KIAA1958: variants seen among roughly 807,000 people sequenced by gnomAD.
KIAA1958 encodes the protein KIAA1958.
A neutral mutation model predicts 47.2 loss-of-function variants in KIAA1958; 14 were observed. That is an observed-to-expected ratio of 0.30 (90% CI 0.20 to 0.46). The LOEUF (loss-of-function observed/expected upper bound fraction) is 0.46, where lower values mean the gene tolerates loss of function less well. Ranked by LOEUF, KIAA1958 falls within the 20% of genes least tolerant of loss-of-function variation. The pLI is 1.00. For synonymous variants in KIAA1958, 354 were observed against 353.3 expected, an observed-to-expected ratio of 1.00 and a Z score of -0.02; for missense variants, 803 against 909.2, an observed-to-expected ratio of 0.88 and a Z score of 1.50.
At chr9:112,528,880 T>C (rs965587119) in intron 1 of KIAA1958, among the ~76,000 whole-genome samples, 3 of 152,230 alleles carry the variant, frequency 2.0e-5, no homozygotes, top group Admixed American at 2.0e-4. Context: ...GGTAAAGATA[T>C]AATCAGTGTT....
intron 1 of KIAA1958, among the ~76,000 whole-genome samples, chr9:112,532,601 A>G (rs1834769607): frequency 6.6e-6 from 1 of 152,198 alleles, no homozygotes; most frequent in Non-Finnish European, 1.5e-5. Flanking sequence ...CAGTAGTGGG[A>G]TTACCACAGC....
intron 1 of KIAA1958, among the ~76,000 whole-genome samples, chr9:112,547,797 T>A (rs1835066016): frequency 6.6e-6 from 1 of 152,044 alleles, no homozygotes; most frequent in African/African-American, 2.4e-5. Context: ...AACTTAACAG[T>A]CTCTGGCACC....
At position 112,541,804 on chromosome 9, in the gene KIAA1958, C is replaced by CA. The variant is rs1199266625; in HGVS notation, c.-24-32243dup. Among the ~76,000 whole-genome samples, 593 of 145,298 alleles carry CA rather than the reference C, an allele frequency of 4.1e-3. 3 individuals are homozygous for CA. The highest frequency in any genetic ancestry group is 0.013 in the African/African-American group (504 of 39,490). ...TTGGTGACAGAGTGAGCCTCCGTCTCAAAAAAAAAAGAATAAAACAACAAA... is the reference window on the plus strand; with the variant it reads ...TTGGTGACAGAGTGAGCCTCCGTCTCAAAAAAAAAAAGAATAAAACAACAAA... On this transcript the variant is annotated intron_variant, in intron 1 of 3. Coordinates refer to ENST00000337530, the MANE Select transcript of KIAA1958 (RefSeq NM_133465.4).
intron 1 of KIAA1958, among the ~76,000 whole-genome samples, chr9:112,535,083 C>A (rs1834829230): frequency 6.6e-6 from 1 of 152,122 alleles, no homozygotes; most frequent in African/African-American, 2.4e-5. Context: ...TCTCTATTAC[C>A]TTACACATTT....
chr9:112,619,571 A>G (rs1479041258), intron 2 of KIAA1958, among the ~76,000 whole-genome samples: 1 of 152,186 alleles, frequency 6.6e-6, no homozygotes, highest in Non-Finnish European at 1.5e-5. Flanking sequence ...GAAAGGGTAG[A>G]AGGAGGGAAT....
chr9:112,520,230 G>A (rs1020721029), intron 1 of KIAA1958, among the ~76,000 whole-genome samples: 7 of 152,192 alleles, frequency 4.6e-5, no homozygotes, highest in South Asian at 2.1e-4. Flanking sequence ...TACTGCTAAC[G>A]AAATCTAATT....
chr9:112,493,855 A>G (rs1307756129), intron 1 of KIAA1958, among the ~76,000 whole-genome samples: 1 of 152,196 alleles, frequency 6.6e-6, no homozygotes, highest in Admixed American at 6.5e-5. Flanking sequence ...ACTCTCTTGC[A>G]GGAGTTGGCA....
rs542980718 is a variant in KIAA1958 at position 112,663,244 on chromosome 9, C to A, written c.*3175C>A. ...GAGCCCTACTTTCTGTCTATCCCCC[C>A]CACCGCCGGCCCCCGGAATCTAAGC... On this transcript the variant is annotated 3_prime_UTR_variant, in exon 4 of 4. Coordinates refer to ENST00000337530, the MANE Select transcript of KIAA1958 (RefSeq NM_133465.4). 97 of 152,662 alleles carry A rather than the reference C, an allele frequency of 6.4e-4. No individual in the cohort carries two copies. The highest frequency in any genetic ancestry group is 1.0e-3 in the Non-Finnish European group (70 of 68,536). 9.5% of individuals were successfully genotyped at this position (152,662 alleles called of 1,614,324 possible).
intron 1 of KIAA1958, among the ~76,000 whole-genome samples, chr9:112,560,398 C>T (rs1835307621): frequency 6.6e-6 from 1 of 151,778 alleles, no homozygotes. Context: ...GAAAGGGTCT[C>T]CAGCTGGTCT....
In KIAA1958 at chr9:112,659,330, C is replaced by T. The variant is rs941828010; in HGVS notation, c.1412C>T (p.Ser471Leu). Reference sequence around the variant, plus strand: ...GTCACCGTCAAGAAGAGCGACGGCTCGGACTTCCTGGCCACCTCGCTCCAT... The same window carrying T: ...GTCACCGTCAAGAAGAGCGACGGCTTGGACTTCCTGGCCACCTCGCTCCAT... The part of the protein sequence containing the change: ...FYVTVKKSDG[S>L]DFLATSLHAI... Residue 471 changes from serine (S) to leucine (L), a missense_variant, in exon 4 of 4, where the codon TCG (serine) becomes TTG (leucine). Ser to Leu is a moderately radical substitution (Grantham distance 145, BLOSUM62 -2). Coordinates refer to ENST00000337530, the MANE Select transcript of KIAA1958 (RefSeq NM_133465.4). 6 of 1,613,898 alleles carry T rather than the reference C, an allele frequency of 3.7e-6. No individual in the cohort carries two copies. The highest frequency in any genetic ancestry group is 2.2e-5 in the East Asian group (1 of 44,868).
intron 1 of KIAA1958, among the ~76,000 whole-genome samples, chr9:112,566,040 A>G (rs577525418): frequency 9.2e-5 from 14 of 152,180 alleles, no homozygotes; most frequent in African/African-American, 3.4e-4. Flanking sequence ...AGTAGTTGGG[A>G]CTACAGGCGC....
Position 112,618,727 on chromosome 9 carries a change from C to T in KIAA1958, c.1172-26923C>T, listed in dbSNP as rs1316956580. 2.6e-6 allele frequency: 4 copies of T among 1,550,568 alleles called. No homozygotes were observed. The South Asian group carries it at 3.6e-5, about 14-fold the overall frequency. Reference sequence around the variant, plus strand: ...TGAAGACCATGTGTGAGAAGGGCAACATCCCTGGCAGGAAAACCAACTTCA... The same window carrying T: ...TGAAGACCATGTGTGAGAAGGGCAATATCCCTGGCAGGAAAACCAACTTCA... On this transcript the variant is annotated intron_variant, in intron 2 of 3. Transcript: ENST00000337530. The surrounding 1 kb of genome is among the most constrained non-coding windows in gnomAD (Gnocchi z 7.1).
At chr9:112,626,823 C>CAAA (rs35640010) in intron 2 of KIAA1958, among the ~76,000 whole-genome samples, 3 of 133,946 alleles carry the variant, frequency 2.2e-5, no homozygotes, top group African/African-American at 2.8e-5. Context: ...GCATTTGTTA[C>CAAA]AAAAAAAAAA....
At chr9:112,600,377 G>A (rs895578601) in intron 2 of KIAA1958, among the ~76,000 whole-genome samples, 1 of 152,148 alleles carries the variant, frequency 6.6e-6, no homozygotes, top group African/African-American at 2.4e-5. Flanking sequence ...CACCTGCAAT[G>A]TTACGTCTCT....
chr9:112,615,816 A>G (rs1375406506), intron 2 of KIAA1958, among the ~76,000 whole-genome samples: 2 of 152,234 alleles, frequency 1.3e-5, no homozygotes, highest in East Asian at 3.8e-4. Context: ...AACAAAATTT[A>G]TAAGTCAATA....
rs929436920 is a variant in KIAA1958, at chr9:112,664,722, C to T, written c.*4653C>T. The stretch of plus-strand genomic sequence containing the variant: ...TGCATTTTCCCATATAAATGAATCA[C>T]CCTTATTAAAACAGGAGGAGGGAGG... On this transcript the variant is annotated 3_prime_UTR_variant, in exon 4 of 4. Transcript: ENST00000337530. The T allele has an allele frequency of 1.3e-5, 2 of 152,174 alleles. No individual in the cohort carries two copies. The highest frequency in any genetic ancestry group is 4.8e-5 in the African/African-American group (2 of 41,426). The allele number at this position is 152,174 out of a possible 1,614,324, so 9.4% of individuals were successfully genotyped here.
intron 2 of KIAA1958, among the ~76,000 whole-genome samples, chr9:112,602,822 T>C (rs146788681): frequency 2.0e-5 from 3 of 152,338 alleles, no homozygotes; most frequent in African/African-American, 7.2e-5. Flanking sequence ...GAATTCTCAC[T>C]GTGAGTCCCA....
intron 1 of KIAA1958, among the ~76,000 whole-genome samples, chr9:112,528,432 C>T (rs527501058): frequency 1.3e-5 from 2 of 152,280 alleles, no homozygotes; most frequent in South Asian, 2.1e-4. Flanking sequence ...AAAGCCTGTA[C>T]CTCATACTTA....
At chr9:112,622,986 A>C (rs529913767) in intron 2 of KIAA1958, among the ~76,000 whole-genome samples, 1 of 152,218 alleles carries the variant, frequency 6.6e-6, no homozygotes, top group East Asian at 1.9e-4. Flanking sequence ...AAAAAACTCT[A>C]TGCTAATACT....
Sources: gnomAD v4.1 joint callset for allele counts (sites outside exome capture counted in the v4.1 genomes callset) on GRCh38, gnomAD v4.1.1 for gene constraint, Gnocchi (gnomAD v3.1) non-coding constraint, MANE v1.5 for transcripts, NCBI Gene and HGNC (gene_info 2026-07-23, HGNC 2026-07-21) for gene names.